Variants in CFAP46 observed in about 807,000 individuals in gnomAD.
The protein encoded by CFAP46 is cilia- and flagella-associated protein 46.
CFAP46 carries 245 observed loss-of-function variants against 325.7 expected under a neutral mutation model. The observed-to-expected ratio is 0.75, with a 90% CI of 0.68 to 0.84. CFAP46 has a LOEUF of 0.84. CFAP46 is among the 40% of genes least tolerant of loss of function. CFAP46 has a pLI of 0.00. For synonymous variants in CFAP46, 1,523 were observed against 1,495.9 expected (o/e 1.02, Z -0.42); for missense variants, 3,346 against 3,543.0 (o/e 0.94, Z 1.41).
At chr10:132,821,139 GC>G (rs1847805669) in intron 50 of CFAP46, among the ~76,000 whole-genome samples, 1 of 138,926 alleles carries the variant, frequency 7.2e-6, no homozygotes, top group Admixed American at 7.3e-5. Context: ...GCTGATGTGT[GC>G]TGTGTGAGTG....
At chr10:132,913,354 A>G in intron 17 of CFAP46, 96 bp from the exon 18 acceptor site, 2 of 406,174 alleles carry the variant, frequency 4.9e-6, no homozygotes, top group Non-Finnish European at 9.6e-6. Flanking sequence ...ACCAGGCTGC[A>G]GGGCAAGAAG....
chr10:132,938,662 T>A lies in CFAP46; in HGVS notation c.463A>T (p.Ser155Cys). ...KPGYRHHLIP[S>C]LSQIINVLSQ... Reference sequence around the variant, plus strand: ...AGCACGTTTATGATTTGGGAAAGGCTGGGGATCAGATGGTGACGATATCCA... The same window carrying A: ...AGCACGTTTATGATTTGGGAAAGGCAGGGGATCAGATGGTGACGATATCCA... Residue 155 changes from serine (S) to cysteine (C), a missense_variant, in exon 5 of 58, where the codon AGC (serine) becomes TGC (cysteine). Ser to Cys is a moderately radical substitution (Grantham distance 112). Transcript: ENST00000368586. The A allele has an allele frequency of 6.2e-7, 1 of 1,613,722 alleles. No homozygotes were observed. Among genetic ancestry groups the A allele is most frequent in the Non-Finnish European group, 8.5e-7 (1 of 1,179,984 alleles).
chr10:132,859,044 G>A (rs753572095), intron 38 of CFAP46, 27 bp downstream of exon 38: 15 of 1,542,148 alleles, frequency 9.7e-6, no homozygotes, highest in Admixed American at 7.9e-5. Context: ...AGTGACTCCC[G>A]TGCAGGGGTC....
At chr10:132,820,411 G>A (rs562446562) in intron 50 of CFAP46, among the ~76,000 whole-genome samples, 41 of 152,368 alleles carry the variant, frequency 2.7e-4, no homozygotes, top group Admixed American at 6.5e-4. Flanking sequence ...AGGAAGCTCC[G>A]CTGACCCGCA....
At chr10:132,907,190 T>C (rs1849469178) in intron 22 of CFAP46, among the ~76,000 whole-genome samples, 1 of 152,274 alleles carries the variant, frequency 6.6e-6, no homozygotes, top group Non-Finnish European at 1.5e-5. Context: ...AAAACATCGT[T>C]ACAGCCTTTG....
chr10:132,846,999 A>T lies in CFAP46; in HGVS notation c.6200T>A (p.Leu2067Gln). ...GGTGCCGACACACTCCACCATCTCC[A>T]GGCTGGCGGCTGCTGCGACATCCAG... is the stretch of plus-strand genomic sequence containing the variant. ...GLLDVAAAASLEMVECVGTLD... is the reference protein window; with the variant it reads ...GLLDVAAAASQEMVECVGTLD... The change falls in exon 43 of 58, where the codon CTG becomes CAG. Residue 2067 changes from leucine to glutamine, a missense_variant. Transcript: ENST00000368586. 6.2e-7 allele frequency: 1 copy of T among 1,610,676 alleles called. No individual in the cohort carries two copies. The highest frequency in any genetic ancestry group is 8.5e-7 in the Non-Finnish European group (1 of 1,179,612).
chr10:132,912,832 G>C lies in CFAP46; in HGVS notation c.2334-12C>G, dbSNP rs114852620. On this transcript the variant is annotated splice_polypyrimidine_tract_variant and intron_variant, in intron 18 of 57. Transcript: ENST00000368586. Reference sequence around the variant, plus strand: ...GCATCACGGGGTCCCTGGGAGACATGCTTGTCAGAGGGAACCTTGGCCCCC... The same window carrying C: ...GCATCACGGGGTCCCTGGGAGACATCCTTGTCAGAGGGAACCTTGGCCCCC... 6.5e-7 allele frequency: 1 copy of C among 1,546,426 alleles called. No homozygotes were observed. The highest frequency in any genetic ancestry group is 8.7e-7 in the Non-Finnish European group (1 of 1,146,406).
In CFAP46 at chr10:132,884,072, G is replaced by A. The variant is rs1007480318; in HGVS notation, c.3627+1031C>T. Among the ~76,000 whole-genome samples, 3 of 152,220 alleles carry A rather than the reference G, an allele frequency of 2.0e-5. No homozygotes were observed. The highest frequency in any genetic ancestry group is 4.8e-5 in the African/African-American group (2 of 41,458). ...AAACACTTTCAAGGGTTTCTGCCCC[G>A]AGGCCCAGTGCAGCTCAGCTGGGTC... On this transcript the variant is annotated intron_variant, in intron 27 of 57. Coordinates refer to ENST00000368586, the MANE Select transcript of CFAP46 (RefSeq NM_001200049.3). The surrounding 1 kb of genome is among the most constrained non-coding windows in gnomAD (Gnocchi z 5.4).
At chr10:132,871,156 A>G (rs1276912523) in intron 32 of CFAP46, among the ~76,000 whole-genome samples, 1 of 152,244 alleles carries the variant, frequency 6.6e-6, no homozygotes, top group African/African-American at 2.4e-5. Context: ...TGAATATTTA[A>G]AGCCCACTGT....
rs1401265506 is a variant in CFAP46, at chr10:132,835,445, A to G, written c.6614-11T>C. ...TCACCTTGCAGGAGCCTGTGGGGAC[A>G]TGGACACACCCTCTGTCGCTGCCCA... On this transcript the variant is annotated splice_polypyrimidine_tract_variant and intron_variant, in intron 46 of 57. Transcript: ENST00000368586. 6.2e-7 allele frequency: 1 copy of G among 1,613,370 alleles called. No individual in the cohort carries two copies. Among genetic ancestry groups the G allele is most frequent in the Admixed American group, 1.7e-5 (1 of 60,010 alleles).
Position 132,885,929 on chromosome 10 carries a change from G to C in CFAP46, c.3335C>G (p.Ala1112Gly). The change falls in exon 26 of 58, where the codon GCG becomes GGG. Residue 1112 changes from alanine to glycine, a missense_variant. Ala to Gly is a moderately conservative substitution (Grantham distance 60, BLOSUM62 0). Transcript: ENST00000368586. ...GAEDDLALRA[A>G]LYGLLFHSHA... ...GCTGTGGAAGAGCAGGCCGTAGAGC[G>C]CAGCACGGAGCGCCAGGTCGTCCTC... The C allele has an allele frequency of 1.3e-6, 2 of 1,550,210 alleles. No individual in the cohort carries two copies. Among genetic ancestry groups the C allele is most frequent in the Non-Finnish European group, 1.7e-6 (2 of 1,146,810 alleles).
rs1565035198 is a variant in CFAP46, at chr10:132,821,332, ATGTGTGCTGTGTGCTGATGTGTGCTG to A, written c.7118-6444_7118-6419del. Among the ~76,000 whole-genome samples the A allele has an allele frequency of 2.5e-4, 19 of 77,060 alleles. No homozygotes were observed. The South Asian group carries it at 6.5e-3, about 26-fold the overall frequency. 50.6% of individuals were successfully genotyped at this position (77,060 alleles called of 152,430 possible). On this transcript the variant is annotated intron_variant, in intron 50 of 57. Transcript: ENST00000368586. ...TGTTGTGTGTGCTGTGTGAGTGCTGATGTGTGCTGTGTGCTGATGTGTGCTGTGTGTGCTGTGTGCTGTGTGTGCAC... is the reference window on the plus strand; with the variant it reads ...TGTTGTGTGTGCTGTGTGAGTGCTGATGTGTGCTGTGTGCTGTGTGTGCAC...
intron 17 of CFAP46, 74 bp downstream of exon 17, chr10:132,916,475 G>T: frequency 2.1e-6 from 3 of 1,442,648 alleles, no homozygotes; most frequent in Non-Finnish European, 2.8e-6. Context: ...CCCTCCCCAC[G>T]CCAGCCTGAG....
chr10:132,938,553 C>G (rs991899456), intron 5 of CFAP46, 36 bp downstream of exon 5: 4 of 1,601,028 alleles, frequency 2.5e-6, no homozygotes, highest in Middle Eastern at 3.9e-4. Flanking sequence ...GGCGGCCCAC[C>G]GGGAGGCCAC....
chr10:132,820,831 TGCTGATGTGTGCTGTGTGTGC>T (rs1277373877), intron 50 of CFAP46, among the ~76,000 whole-genome samples: 2 of 143,810 alleles, frequency 1.4e-5, no homozygotes, highest in African/African-American at 5.3e-5. Context: ...GTGTGCTGAG[TGCTGATGTGTGCTGTGTGTGC>T]GCTGATGTGT....
intron 5 of CFAP46, among the ~76,000 whole-genome samples, chr10:132,937,921 G>T (rs1012222887): frequency 2.6e-5 from 4 of 152,228 alleles, no homozygotes; most frequent in South Asian, 2.1e-4. Flanking sequence ...TTCTTCAAAG[G>T]TTCCCCAAAC....
intron 6 of CFAP46, 153 bp downstream of exon 6, chr10:132,937,399 C>G (rs1850025447): frequency 2.4e-6 from 2 of 850,718 alleles, no homozygotes; most frequent in Non-Finnish European, 3.6e-6. Flanking sequence ...ACTGCTATTT[C>G]TTTTTAATAT....
At chr10:132,866,367 C>T (rs1848812909) in intron 34 of CFAP46, among the ~76,000 whole-genome samples, 196 bp from the exon 35 acceptor site, 1 of 152,200 alleles carries the variant, frequency 6.6e-6, no homozygotes. Context: ...AGGCCTTTGC[C>T]TTTCCCCCGA....
intron 27 of CFAP46, among the ~76,000 whole-genome samples, chr10:132,882,652 T>C (rs1849065263): frequency 6.6e-6 from 1 of 151,746 alleles, no homozygotes; most frequent in African/African-American, 2.4e-5. Flanking sequence ...GCGGCAGCGG[T>C]GCTTAGCTCA....
Sources: allele counts gnomAD v4.1 joint callset (sites outside exome capture counted in the v4.1 genomes callset), GRCh38; gene constraint gnomAD v4.1.1; non-coding constraint Gnocchi (gnomAD v3.1); transcripts MANE v1.5; gene names NCBI Gene and HGNC (gene_info 2026-07-23, HGNC 2026-07-21).